The following NCAM1 variants were observed in gnomAD, a reference collection of about 807,000 sequenced individuals.
The protein encoded by NCAM1 is antigen recognized by monoclonal antibody 5.1H11.
In NCAM1, 14 loss-of-function variants were observed where a neutral mutation model predicts 109.8. The observed-to-expected ratio is 0.13, with a 90% CI of 0.08 to 0.20. The LOEUF (loss-of-function observed/expected upper bound fraction) is 0.20. NCAM1 is among the 10% of genes least tolerant of loss of function. The pLI is 1.00. For missense variants in NCAM1, 774 were observed against 1,109.9 expected (o/e 0.70, Z 4.30); for synonymous variants, 418 against 442.9 (o/e 0.94, Z 0.70).
intron 1 of NCAM1, among the ~76,000 whole-genome samples, chr11:113,015,597 A>G (rs1555075147): frequency 6.6e-6 from 1 of 151,946 alleles, no homozygotes; most frequent in Non-Finnish European, 1.5e-5. Flanking sequence ...TTAGCCAGGC[A>G]TGGTCATGGG....
Position 112,994,158 on chromosome 11 carries a change from T to C in NCAM1, c.52+32494T>C, listed in dbSNP as rs546604376. On this transcript the variant is annotated intron_variant, in intron 1 of 19. Transcript: ENST00000316851. ...GTGAATGAAAGGTAAACTTTATGCA[T>C]TATTAGTCAATACATTTATAATAAT... is the stretch of plus-strand genomic sequence containing the variant. 2.0e-5 allele frequency among the ~76,000 whole-genome samples: 3 copies of C among 152,366 alleles called. No homozygotes were observed. The South Asian group carries it at 6.2e-4, about 32-fold the overall frequency.
chr11:112,995,910 G>A (rs1417229044), intron 1 of NCAM1, among the ~76,000 whole-genome samples: 1 of 152,122 alleles, frequency 6.6e-6, no homozygotes, highest in African/African-American at 2.4e-5. Context: ...GGATGGGAGT[G>A]TGGTGGAGCC....
intron 17 of NCAM1, among the ~76,000 whole-genome samples, chr11:113,266,381 G>A (rs1194078300): frequency 6.6e-6 from 1 of 152,120 alleles, no homozygotes; most frequent in African/African-American, 2.4e-5. Flanking sequence ...ACTCAGTGTT[G>A]GCATACAGTA....
chr11:113,166,015 T>G (rs1369687040), intron 1 of NCAM1, among the ~76,000 whole-genome samples: 8 of 150,950 alleles, frequency 5.3e-5, no homozygotes. Flanking sequence ...TTATTTTTAG[T>G]AGAGACGGGG....
chr11:113,237,111 T>A (rs1479477007), intron 14 of NCAM1, among the ~76,000 whole-genome samples: 3 of 152,164 alleles, frequency 2.0e-5, no homozygotes, highest in Non-Finnish European at 2.9e-5. Flanking sequence ...CTTCATCATG[T>A]AAGCTGTACA....
At chr11:113,253,109 C>T (rs1434163519) in intron 15 of NCAM1, among the ~76,000 whole-genome samples, 7 of 151,866 alleles carry the variant, frequency 4.6e-5, no homozygotes, top group Non-Finnish European at 7.4e-5. Flanking sequence ...GGCTTTTCTC[C>T]GATTCAAATT....
chr11:113,216,617 T>A (rs539306010), intron 8 of NCAM1, among the ~76,000 whole-genome samples: 9 of 152,328 alleles, frequency 5.9e-5, no homozygotes, highest in Admixed American at 1.3e-4. Context: ...CTTAGATCAT[T>A]ATTTCAGCCC....
At chr11:113,267,874 T>C (rs1946168962) in intron 17 of NCAM1, among the ~76,000 whole-genome samples, 1 of 152,168 alleles carries the variant, frequency 6.6e-6, no homozygotes, top group Non-Finnish European at 1.5e-5. Context: ...AGTTTATTTT[T>C]CCTCTTTAGA....
Position 113,204,140 on chromosome 11 carries a change from C to CA in NCAM1, c.128-145dup, listed in dbSNP as rs1944161224. ...GCCAAAGAAGGGCTGCATGTCATTC[C>CA]AGCAGCCATACTCACCCCTCCCTGA... On this transcript the variant is annotated intron_variant, in intron 2 of 19. Transcript: ENST00000316851. 10 of 646,718 alleles carry CA rather than the reference C, an allele frequency of 1.5e-5. No homozygotes were observed. The South Asian group carries it at 1.8e-4, about 11-fold the overall frequency. 40.1% of individuals were successfully genotyped at this position (646,718 alleles called of 1,614,324 possible).
chr11:113,098,605 A>G (rs545954582), intron 1 of NCAM1, among the ~76,000 whole-genome samples: 151 of 152,322 alleles, frequency 9.9e-4, no homozygotes, highest in African/African-American at 3.4e-3. Context: ...ATATTAGGAC[A>G]GGGAATTATT....
intron 1 of NCAM1, among the ~76,000 whole-genome samples, chr11:113,092,310 G>A (rs955378300): frequency 6.6e-6 from 1 of 152,144 alleles, no homozygotes; most frequent in South Asian, 2.1e-4. Context: ...GATTTCACAA[G>A]TAAAAGGAGG....
At position 113,042,256 on chromosome 11, in the gene NCAM1, T is replaced by TCA. The variant is rs1467121751; in HGVS notation, c.52+80594_52+80595dup. 2.0e-5 allele frequency among the ~76,000 whole-genome samples: 3 copies of TCA among 152,142 alleles called. No individual in the cohort carries two copies. The East Asian group carries it at 5.8e-4, about 29-fold the overall frequency. On this transcript the variant is annotated intron_variant, in intron 1 of 19. Transcript: ENST00000316851. Reference sequence around the variant, plus strand: ...TCACCACTTGTCTGAAGAGATGTTATCACCTCCTTTTCCTTCCACTCCTGA... The same window carrying TCA: ...TCACCACTTGTCTGAAGAGATGTTATCACACCTCCTTTTCCTTCCACTCCTGA...
chr11:113,227,649 A>AT (rs1387908913), intron 9 of NCAM1, among the ~76,000 whole-genome samples: 1 of 152,230 alleles, frequency 6.6e-6, no homozygotes, highest in Non-Finnish European at 1.5e-5. Flanking sequence ...TTTTAGACCA[A>AT]TATCCCTGAT....
rs1202025588 is a variant in NCAM1 at position 113,085,919 on chromosome 11, C to T, written c.53-116460C>T. On this transcript the variant is annotated intron_variant, in intron 1 of 19. Coordinates refer to ENST00000316851, the MANE Select transcript of NCAM1 (RefSeq NM_181351.5). ...AGCTCATCTGGGGTTATGCCAACCT[C>T]CCTAATTATCTGCCTTATAAAAGCA... Among the ~76,000 whole-genome samples, 4 of 152,318 alleles carry T rather than the reference C, an allele frequency of 2.6e-5. No homozygotes were observed. In the East Asian group the frequency reaches 7.7e-4, roughly 29 times the overall value.
chr11:112,965,499 C>A (rs1950708514), intron 1 of NCAM1, among the ~76,000 whole-genome samples: 1 of 152,124 alleles, frequency 6.6e-6, no homozygotes, highest in Non-Finnish European at 1.5e-5. Context: ...GTCTTAATTG[C>A]CTTTCAAAGT....
chr11:113,071,943 G>C (rs897087844), intron 1 of NCAM1, among the ~76,000 whole-genome samples: 3 of 152,054 alleles, frequency 2.0e-5, no homozygotes, highest in Admixed American at 6.6e-5. Context: ...TCAGGAGTTC[G>C]AGACCAGTCT....
intron 1 of NCAM1, among the ~76,000 whole-genome samples, chr11:113,030,827 A>C (rs1369600095): frequency 6.6e-6 from 1 of 152,208 alleles, no homozygotes; most frequent in Non-Finnish European, 1.5e-5. Context: ...AAGCAGTTTC[A>C]TTGACTCACT....
chr11:113,260,962 G>GAGATACAGATCTGTCTCC (rs1446591576), intron 17 of NCAM1, among the ~76,000 whole-genome samples: 1 of 152,214 alleles, frequency 6.6e-6, no homozygotes, highest in Non-Finnish European at 1.5e-5. Context: ...GTTCTCCTAG[G>GAGATACAGATCTGTCTCC]AGATACAGAT....
intron 1 of NCAM1, among the ~76,000 whole-genome samples, chr11:113,123,126 T>C (rs1273044): frequency 0.7 from 106,308 of 152,010 alleles, 37,986 homozygotes; most frequent in Middle Eastern, 0.86. Context: ...TACAGTTAGG[T>C]AGAAGCAATA....
Sources: allele counts gnomAD v4.1 joint callset (sites outside exome capture counted in the v4.1 genomes callset), GRCh38; gene constraint gnomAD v4.1.1; transcripts MANE v1.5; gene names NCBI Gene and HGNC (gene_info 2026-07-23, HGNC 2026-07-21).